The following ZP3 variants were observed in gnomAD, a reference collection of about 807,000 sequenced individuals.
ZP3 encodes zona pellucida sperm-binding protein 3.
ZP3 carries 21 observed loss-of-function variants against 35.6 expected under a neutral mutation model. The ratio of observed to expected loss-of-function variants is 0.59; its 90% CI spans 0.42 to 0.85. The LOEUF (loss-of-function observed/expected upper bound fraction) is 0.85. Among genes scored for constraint, ZP3 ranks in the 40% least tolerant of loss-of-function variants. The pLI is 0.00. For synonymous variants in ZP3, 207 were observed against 214.5 expected (o/e 0.96, Z 0.31); for missense variants, 437 against 536.5 (o/e 0.81, Z 1.83).
chr7:76,400,798 G>A (rs534677470), intron 1 of ZP3, among the ~76,000 whole-genome samples: 1 of 152,288 alleles, frequency 6.6e-6, no homozygotes, highest in South Asian at 2.1e-4. Context: ...GTGCACTACG[G>A]GACCCAGCCA....
rs868488015 is a variant in ZP3, at chr7:76,402,325, G to A, written c.-67+4528G>A. Among the ~76,000 whole-genome samples the A allele has an allele frequency of 2.2e-4, 34 of 151,524 alleles. No homozygotes were observed. In the Middle Eastern group the frequency reaches 0.01, roughly 45 times the overall value. Reference sequence around the variant, plus strand: ...CTCCCGAGTAATTGGGACTGCAGGCGCACACCGCCACACCCAGCTAATTTT... The same window carrying A: ...CTCCCGAGTAATTGGGACTGCAGGCACACACCGCCACACCCAGCTAATTTT... On this transcript the variant is annotated intron_variant, in intron 1 of 8. Coordinates refer to the ZP3 transcript ENST00000336517.
intron 1 of ZP3, chr7:76,398,780 G>A: frequency 1.2e-6 from 2 of 1,612,840 alleles, no homozygotes; most frequent in Non-Finnish European, 1.7e-6. Context: ...CTTGTTGGGG[G>A]CTGCGTTGGC....
chr7:76,408,054 G>T (rs1404196966), intron 1 of ZP3, among the ~76,000 whole-genome samples: 2 of 152,160 alleles, frequency 1.3e-5, no homozygotes, highest in Non-Finnish European at 1.5e-5. Flanking sequence ...GCATCCATTT[G>T]GCTCCCAGCC....
chr7:76,423,025 GAGAAAGAAAGAAAGAAAGAAAGAA>G (rs200948956), upstream of ZP3, among the ~76,000 whole-genome samples: 1 of 75,806 alleles, frequency 1.3e-5, no homozygotes, highest in Non-Finnish European at 2.7e-5. Context: ...GAGAGAGAGA[GAGAAAGAAAGAAAGAAAGAAAGAA>G]AGAAAGAAAG....
upstream of ZP3, among the ~76,000 whole-genome samples, chr7:76,424,692 C>CA (rs999334125): frequency 2.2e-4 from 34 of 151,240 alleles, no homozygotes; most frequent in South Asian, 6.3e-4. Context: ...ACACACACAG[C>CA]AAAAAAAAAC....
chr7:76,418,824 C>G (rs919822580), intron 1 of ZP3, among the ~76,000 whole-genome samples: 3 of 152,270 alleles, frequency 2.0e-5, no homozygotes, highest in East Asian at 3.9e-4. Flanking sequence ...CCACTGCACT[C>G]CAGCCTGGGC....
intron 1 of ZP3, among the ~76,000 whole-genome samples, chr7:76,415,580 G>A (rs182047639): frequency 0.036 from 5,349 of 149,976 alleles, 280 homozygotes; most frequent in African/African-American, 0.12. Flanking sequence ...TGCAACCTCT[G>A]CCTCCCAGGT....
intron 7 of ZP3, among the ~76,000 whole-genome samples, chr7:76,441,286 C>T (rs1297351543): frequency 1.3e-5 from 2 of 150,126 alleles, no homozygotes; most frequent in Admixed American, 1.3e-4. Flanking sequence ...CCAGCCTGGG[C>T]AACATAGCAA....
intron 5 of ZP3, among the ~76,000 whole-genome samples, chr7:76,439,157 T>G (rs1311408721): frequency 7.6e-6 from 1 of 131,492 alleles, no homozygotes; most frequent in Non-Finnish European, 1.7e-5. Context: ...AAAAACCTCT[T>G]AAGTCTGAAA....
At chr7:76,424,929 T>A, upstream of ZP3, 2 of 1,485,912 alleles carry the variant, frequency 1.3e-6, no homozygotes, top group Non-Finnish European at 1.8e-6. Flanking sequence ...GGGTATAAGA[T>A]GGCCAGAGGC....
At chr7:76,411,624 G>GA (rs141846613) in intron 1 of ZP3, among the ~76,000 whole-genome samples, 18 of 150,986 alleles carry the variant, frequency 1.2e-4, no homozygotes, top group South Asian at 2.1e-4. Flanking sequence ...GAGAATGGTT[G>GA]AAAAAAAAAT....
chr7:76,430,146 G>C (rs965234350), intron 2 of ZP3, among the ~76,000 whole-genome samples: 1 of 152,090 alleles, frequency 6.6e-6, no homozygotes, highest in African/African-American at 2.4e-5. Context: ...GGAGGCAGAG[G>C]CTGCAGTGAG....
chr7:76,424,016 A>AC (rs1563696076), upstream of ZP3, among the ~76,000 whole-genome samples: 1 of 151,120 alleles, frequency 6.6e-6, no homozygotes, highest in South Asian at 2.1e-4. Context: ...GAACTGACCT[A>AC]CCCCCCGGCC....
At chr7:76,398,521 T>C (rs1377012106) in intron 1 of ZP3, among the ~76,000 whole-genome samples, 1 of 152,152 alleles carries the variant, frequency 6.6e-6, no homozygotes, top group Non-Finnish European at 1.5e-5. Flanking sequence ...GCCAGTCTGG[T>C]CTGGAGCTCC....
intron 1 of ZP3, among the ~76,000 whole-genome samples, chr7:76,415,315 G>A (rs528479087): frequency 2.0e-4 from 26 of 131,772 alleles, no homozygotes; most frequent in African/African-American, 7.4e-4. Flanking sequence ...TCAGTGAGCC[G>A]AGATCGCGCC....
At chr7:76,411,801 T>C (rs192906500) in intron 1 of ZP3, among the ~76,000 whole-genome samples, 1 of 152,252 alleles carries the variant, frequency 6.6e-6, no homozygotes, top group East Asian at 1.9e-4. Flanking sequence ...CCTGGGCATT[T>C]ATCCAAGAGA....
chr7:76,417,606 C>A (rs908149213), intron 1 of ZP3, among the ~76,000 whole-genome samples: 2 of 149,378 alleles, frequency 1.3e-5, no homozygotes, highest in Admixed American at 6.7e-5. Flanking sequence ...ACTATTTATT[C>A]TTTTATTCTT....
At chr7:76,435,479 C>G (rs1177138883) in intron 5 of ZP3, among the ~76,000 whole-genome samples, 1 of 152,218 alleles carries the variant, frequency 6.6e-6, no homozygotes, top group Admixed American at 6.5e-5. Context: ...AACAAGCTCA[C>G]TGAGATGAGA....
chr7:76,407,391 G>A (rs972961961), intron 1 of ZP3, among the ~76,000 whole-genome samples: 3 of 151,624 alleles, frequency 2.0e-5, no homozygotes, highest in Non-Finnish European at 4.4e-5. Flanking sequence ...GAGTGCAGTG[G>A]CACAATCTCG....
Sources: gnomAD v4.1 joint callset for allele counts (sites outside exome capture counted in the v4.1 genomes callset) on GRCh38, gnomAD v4.1.1 for gene constraint, MANE v1.5 for transcripts, NCBI Gene and HGNC (gene_info 2026-07-23, HGNC 2026-07-21) for gene names.